The following GALNTL6 variants were observed in gnomAD, a reference collection of about 807,000 sequenced individuals.
The protein encoded by GALNTL6 is polypeptide N-acetylgalactosaminyltransferase like 6.
In GALNTL6, 46 loss-of-function variants were observed where a neutral mutation model predicts 73.7. The ratio of observed to expected loss-of-function variants is 0.62; its 90% CI spans 0.49 to 0.80. GALNTL6 has a LOEUF of 0.80. Among genes scored for constraint, GALNTL6 ranks in the 30% least tolerant of loss-of-function variants. The pLI, the probability that GALNTL6 is intolerant of heterozygous loss-of-function variation, is 0.00. For missense variants in GALNTL6, 604 were observed against 755.0 expected (o/e 0.80, Z 2.34); for synonymous variants, 259 against 263.7 (o/e 0.98, Z 0.17).
At chr4:172,194,726 CT>C (rs1312033285) in intron 2 of GALNTL6, among the ~76,000 whole-genome samples, 1 of 152,144 alleles carries the variant, frequency 6.6e-6, no homozygotes, top group Non-Finnish European at 1.5e-5. Flanking sequence ...AAATAAAACC[CT>C]TTTCAGACAA....
intron 2 of GALNTL6, among the ~76,000 whole-genome samples, chr4:171,876,639 C>A (rs947155089): frequency 3.3e-5 from 5 of 152,164 alleles, no homozygotes; most frequent in Non-Finnish European, 7.3e-5. Flanking sequence ...GGATAATCAG[C>A]CTCACCAAGT....
intron 10 of GALNTL6, among the ~76,000 whole-genome samples, chr4:172,970,759 A>G (rs1376934569): frequency 3.3e-5 from 5 of 152,248 alleles, no homozygotes; most frequent in African/African-American, 1.2e-4. Context: ...CAGGATTAAG[A>G]GATTAAAGTA....
At chr4:171,876,222 T>C (rs1736274423) in intron 2 of GALNTL6, among the ~76,000 whole-genome samples, 2 of 152,204 alleles carry the variant, frequency 1.3e-5, no homozygotes, top group African/African-American at 4.8e-5. Flanking sequence ...GAACAGATTC[T>C]GATATTTTAA....
chr4:172,325,072 G>T (rs1740895408), intron 4 of GALNTL6, among the ~76,000 whole-genome samples: 1 of 150,916 alleles, frequency 6.6e-6, no homozygotes, highest in African/African-American at 2.4e-5. Flanking sequence ...ACTTTGAACA[G>T]ATTAATTAAA....
intron 2 of GALNTL6, among the ~76,000 whole-genome samples, chr4:172,082,689 T>C (rs925597329): frequency 7.9e-5 from 12 of 152,106 alleles, no homozygotes; most frequent in African/African-American, 2.4e-4. Flanking sequence ...AGATGTTAAA[T>C]AGGAGAACAC....
chr4:172,630,493 A>G (rs1032304147), intron 5 of GALNTL6, among the ~76,000 whole-genome samples: 3 of 152,018 alleles, frequency 2.0e-5, no homozygotes, highest in African/African-American at 7.2e-5. Flanking sequence ...ATCTCTACCA[A>G]TCACATTGCC....
chr4:172,731,050 A>T (rs1320946532), intron 5 of GALNTL6, among the ~76,000 whole-genome samples: 2 of 150,934 alleles, frequency 1.3e-5, no homozygotes, highest in Non-Finnish European at 2.9e-5. Context: ...ACTGCACTCC[A>T]GCCTGGGCTA....
intron 5 of GALNTL6, among the ~76,000 whole-genome samples, chr4:172,643,048 C>T (rs1353031807): frequency 6.6e-6 from 1 of 151,534 alleles, no homozygotes; most frequent in African/African-American, 2.4e-5. Context: ...TATATAGAAA[C>T]TCACCTTTAC....
intron 2 of GALNTL6, among the ~76,000 whole-genome samples, chr4:171,908,916 T>A (rs1337161388): frequency 6.9e-6 from 1 of 145,464 alleles, no homozygotes; most frequent in Non-Finnish European, 1.5e-5. Context: ...ACACCACATA[T>A]TCTCACTCAT....
At chr4:172,404,724 A>G (rs555622441) in intron 5 of GALNTL6, among the ~76,000 whole-genome samples, 2 of 152,204 alleles carry the variant, frequency 1.3e-5, no homozygotes, top group Middle Eastern at 3.4e-3. Flanking sequence ...CCTGGGCACT[A>G]ATAGTACATA....
At chr4:172,723,088 T>A (rs552492730) in intron 5 of GALNTL6, among the ~76,000 whole-genome samples, 2 of 152,260 alleles carry the variant, frequency 1.3e-5, no homozygotes, top group South Asian at 4.1e-4. Context: ...AGCCTCCATT[T>A]CAAACCCAAC....
intron 5 of GALNTL6, among the ~76,000 whole-genome samples, chr4:172,614,400 G>A (rs1282939101): frequency 2.0e-5 from 3 of 152,092 alleles, no homozygotes; most frequent in African/African-American, 7.2e-5. Context: ...AGATTCACCA[G>A]TCAATTCTAA....
chr4:172,459,032 A>G (rs1666283381), intron 5 of GALNTL6, among the ~76,000 whole-genome samples: 1 of 152,250 alleles, frequency 6.6e-6, no homozygotes, highest in South Asian at 2.1e-4. Context: ...AGTCGGCTTC[A>G]TCCCTGGGAT....
intron 5 of GALNTL6, among the ~76,000 whole-genome samples, chr4:172,772,306 A>AT (rs1444891396): frequency 1.1e-4 from 17 of 152,326 alleles, no homozygotes; most frequent in African/African-American, 4.1e-4. Flanking sequence ...ATATCCAAGG[A>AT]AGACAGGACT....
intron 7 of GALNTL6, among the ~76,000 whole-genome samples, chr4:172,865,722 G>T (rs1455720788): frequency 6.6e-6 from 1 of 151,964 alleles, no homozygotes; most frequent in Non-Finnish European, 1.5e-5. Context: ...ACGTGATTTT[G>T]TCCTGACTTT....
At chr4:172,712,152 A>T (rs1734745457) in intron 5 of GALNTL6, among the ~76,000 whole-genome samples, 1 of 152,174 alleles carries the variant, frequency 6.6e-6, no homozygotes. Flanking sequence ...ATAAAGAAAA[A>T]CATTAATAGT....
intron 3 of GALNTL6, among the ~76,000 whole-genome samples, chr4:172,295,028 A>C (rs1178329615): frequency 1.3e-5 from 2 of 152,206 alleles, no homozygotes; most frequent in African/African-American, 4.8e-5. Context: ...CATGAATATA[A>C]AAATTTTAAC....
chr4:172,398,537 G>T (rs776220321), intron 5 of GALNTL6, among the ~76,000 whole-genome samples: 2 of 152,062 alleles, frequency 1.3e-5, no homozygotes, highest in Non-Finnish European at 2.9e-5. Context: ...CTTTGCAATC[G>T]TTTATTGCTT....
In GALNTL6 at chr4:172,691,184, C is replaced by A. The variant is rs141073491; in HGVS notation, c.554-118177C>A. On this transcript the variant is annotated intron_variant, in intron 5 of 12. Transcript: ENST00000506823. ...GAGGATGGGTATTCCCAGGTCATCA[C>A]CAACATGAACAATGCTACCAAGAGT... Among the ~76,000 whole-genome samples the A allele has an allele frequency of 8.1e-3, 1,228 of 152,108 alleles. 17 individuals are homozygous for A. Among genetic ancestry groups the A allele is most frequent in the African/African-American group, 0.029 (1,187 of 41,488 alleles).
Sources: allele counts gnomAD v4.1 joint callset (sites outside exome capture counted in the v4.1 genomes callset), GRCh38; gene constraint gnomAD v4.1.1; transcripts MANE v1.5; gene names NCBI Gene and HGNC (gene_info 2026-07-23, HGNC 2026-07-21).